The following SF3A1 variants were observed in gnomAD, a reference collection of about 807,000 sequenced individuals.
The protein encoded by SF3A1 is splicing factor 3a subunit 1.
In SF3A1, 13 loss-of-function variants were observed where a neutral mutation model predicts 89.9. That is an observed-to-expected ratio of 0.14 (90% confidence interval 0.09 to 0.23). The LOEUF (loss-of-function observed/expected upper bound fraction) is 0.23. Ranked by LOEUF, SF3A1 falls within the 10% of genes least tolerant of loss-of-function variation. The pLI, the probability that SF3A1 is intolerant of heterozygous loss-of-function variation, is 1.00. For synonymous variants in SF3A1, 405 were observed against 374.4 expected, an observed-to-expected ratio of 1.08 and a Z score of -0.94; for missense variants, 604 against 1,022.1, an observed-to-expected ratio of 0.59 and a Z score of 5.58.
In SF3A1 at chr22:30,350,318, AAAAT is replaced by A. The variant is rs1569174857; in HGVS notation, c.185+2629_185+2632del. ...TACAAAAAAACTAAAAAAAATAAAA[AAAAT>A]AAAAAAAAAATTAGCTGGGTGTGGT... On this transcript the variant is annotated intron_variant, in intron 2 of 15. Coordinates refer to ENST00000215793, the MANE Select transcript of SF3A1 (RefSeq NM_005877.6). Among the ~76,000 whole-genome samples the A allele has an allele frequency of 8.0e-5, 12 of 150,438 alleles. 1 individual carries two copies. The highest frequency in any genetic ancestry group is 3.5e-3 in the Middle Eastern group (1 of 286).
Position 30,334,675 on chromosome 22 carries a change from G to A in SF3A1, c.2301C>T (p.Ser767=), listed in dbSNP as rs1352436104. Residue 767 remains serine, a synonymous_variant, in exon 16 of 16, where the codon TCC becomes TCT. Transcript: ENST00000215793. ...LQYEGIFIKD[S]NSLAYYNMAN... ...CCATGTTGTAGTAAGCCAGTGAGTT[G>A]GAATCTTTGATGAAGATACCCTGGA... The A allele has an allele frequency of 1.3e-6, 2 of 1,595,620 alleles. No individual in the cohort carries two copies. Among genetic ancestry groups the A allele is most frequent in the Non-Finnish European group, 1.7e-6 (2 of 1,173,430 alleles).
At chr22:30,353,181 C>T (rs1001660214) in intron 1 of SF3A1, 109 bp from the exon 2 acceptor site, 1 of 1,387,354 alleles carries the variant, frequency 7.2e-7, no homozygotes, top group South Asian at 1.3e-5. Context: ...CATTCACAGA[C>T]TTCCCTCAGG....
intron 1 of SF3A1, 42 bp from the exon 2 acceptor site, chr22:30,353,114 T>C: frequency 1.9e-6 from 3 of 1,607,522 alleles, no homozygotes; most frequent in Middle Eastern, 1.7e-4. Flanking sequence ...AAGTCCCTGG[T>C]TCAGAGCAGG....
intron 4 of SF3A1, among the ~76,000 whole-genome samples, 167 bp from the exon 5 acceptor site, chr22:30,343,046 A>C (rs548394566): frequency 6.6e-6 from 1 of 152,258 alleles, no homozygotes; most frequent in East Asian, 1.9e-4. Context: ...ACTTAACCTC[A>C]GTAACTTGAT....
intron 2 of SF3A1, among the ~76,000 whole-genome samples, chr22:30,349,304 G>A (rs879595003): frequency 3.3e-5 from 5 of 152,106 alleles, no homozygotes; most frequent in Admixed American, 6.6e-5. Context: ...CTTTTGAGGC[G>A]GAGTCTCGCT....
At chr22:30,339,323 T>A in intron 9 of SF3A1, 72 bp from the exon 10 acceptor site, 1 of 1,585,172 alleles carries the variant, frequency 6.3e-7, no homozygotes, top group Non-Finnish European at 8.6e-7. Context: ...AGAGAGCAGC[T>A]TTTCTGGTGT....
intron 4 of SF3A1, among the ~76,000 whole-genome samples, chr22:30,343,400 C>G (rs999340647): frequency 2.6e-5 from 4 of 152,252 alleles, no homozygotes; most frequent in African/African-American, 9.6e-5. Context: ...ACAGGGATTT[C>G]TCTTTTGTTC....
chr22:30,333,452 T>A lies in SF3A1; in HGVS notation c.*1142A>T, dbSNP rs1054632855. On this transcript the variant is annotated 3_prime_UTR_variant, in exon 16 of 16. Coordinates refer to ENST00000215793, the MANE Select transcript of SF3A1 (RefSeq NM_005877.6). ...CAGCCTTAGCTTTAAAACCAGGAAA[T>A]TGTTAGCAACAGGCTCTCACCTTCC... 1 of 152,208 alleles carries A rather than the reference T, an allele frequency of 6.6e-6. No individual in the cohort carries two copies. The highest frequency in any genetic ancestry group is 1.5e-5 in the Non-Finnish European group (1 of 68,036). The allele number at this position is 152,208 out of a possible 1,614,324, so 9.4% of individuals were successfully genotyped here.
intron 4 of SF3A1, among the ~76,000 whole-genome samples, chr22:30,343,270 G>A (rs940167647): frequency 1.4e-4 from 21 of 152,066 alleles, no homozygotes; most frequent in Admixed American, 3.3e-4. Context: ...GAACCGCAGC[G>A]TACTTGCCCC....
At chr22:30,352,879 C>T in intron 2 of SF3A1, 72 bp downstream of exon 2, 1 of 1,576,712 alleles carries the variant, frequency 6.3e-7, no homozygotes, top group Middle Eastern at 2.0e-4. Flanking sequence ...TTTAAAAACC[C>T]TTGTGCTGAT....
chr22:30,348,580 A>C (rs914878347), intron 2 of SF3A1, among the ~76,000 whole-genome samples: 1 of 152,180 alleles, frequency 6.6e-6, no homozygotes, highest in African/African-American at 2.4e-5. Context: ...TATGTGCCAC[A>C]CTAGTGATCG....
chr22:30,336,014 T>C (rs1308984862), intron 13 of SF3A1, among the ~76,000 whole-genome samples: 2 of 152,212 alleles, frequency 1.3e-5, no homozygotes, highest in African/African-American at 4.8e-5. Flanking sequence ...GTGAAAATAC[T>C]CTGCACACCC....
chr22:30,354,178 G>C (rs1931688306), intron 1 of SF3A1, among the ~76,000 whole-genome samples: 1 of 152,104 alleles, frequency 6.6e-6, no homozygotes, highest in African/African-American at 2.4e-5. Flanking sequence ...TCTTATCTTA[G>C]AGAAACGAAG....
At position 30,341,756 on chromosome 22, in the gene SF3A1, T is replaced by G; in HGVS notation, c.1007A>C (p.Gln336Pro). 1 of 1,614,192 alleles carries G rather than the reference T, an allele frequency of 6.2e-7. No homozygotes were observed. Among genetic ancestry groups the G allele is most frequent in the Non-Finnish European group, 8.5e-7 (1 of 1,180,032 alleles). Residue 336 changes from glutamine to proline, a missense_variant, in exon 7 of 16, where the codon CAG (glutamine) becomes CCG (proline). By Grantham distance (76) the Gln-to-Pro change is moderately conservative. Transcript: ENST00000215793. ...GGAAGGAGGCTCCTCCGCCTTCTCCTGTTTGTCATCCTCCTCATCAGACTC... is the reference window on the plus strand; with the variant it reads ...GGAAGGAGGCTCCTCCGCCTTCTCCGGTTTGTCATCCTCCTCATCAGACTC... ...EVESDEEDDK[Q>P]EKAEEPPSQL...
intron 4 of SF3A1, among the ~76,000 whole-genome samples, chr22:30,343,565 G>GA: frequency 6.6e-6 from 1 of 152,272 alleles, no homozygotes; most frequent in Non-Finnish European, 1.5e-5. Flanking sequence ...TCTACCCCAA[G>GA]AATCTATCTG....
intron 2 of SF3A1, among the ~76,000 whole-genome samples, chr22:30,351,358 T>A (rs1034560782): frequency 6.6e-6 from 1 of 151,544 alleles, no homozygotes; most frequent in Non-Finnish European, 1.5e-5. Context: ...TTTTATTAGG[T>A]TGGGAAAGGA....
At chr22:30,335,791 CG>C in intron 13 of SF3A1, 38 bp from the exon 14 acceptor site, 1 of 1,536,348 alleles carries the variant, frequency 6.5e-7, no homozygotes, top group South Asian at 1.1e-5. Context: ...CTAGGGAGCT[CG>C]GAGCCAATCA....
At position 30,334,536 on chromosome 22, in the gene SF3A1, AG is replaced by A; in HGVS notation, c.*57del. 2.8e-6 allele frequency: 3 copies of A among 1,089,710 alleles called. No homozygotes were observed. Among genetic ancestry groups the A allele is most frequent in the South Asian group, 1.6e-5 (1 of 63,958 alleles). 67.5% of individuals were successfully genotyped at this position (1,089,710 alleles called of 1,614,324 possible). A position where few individuals can be genotyped will look rare whatever the true frequency, so the allele number is the denominator to read the frequency against. On this transcript the variant is annotated 3_prime_UTR_variant, in exon 16 of 16. Transcript: ENST00000215793. ...TCAGGGGGGCTCCTGGGTCTGGGGC[AG>A]GGGGTGGGAGACAGGAGAGGCAAAA...
intron 2 of SF3A1, among the ~76,000 whole-genome samples, chr22:30,350,468 C>T (rs1418803836): frequency 1.3e-5 from 2 of 152,012 alleles, no homozygotes; most frequent in Non-Finnish European, 2.9e-5. Flanking sequence ...CGTGTCAGAA[C>T]GAGACTCTGT....
Sources: gnomAD v4.1 joint callset for allele counts (sites outside exome capture counted in the v4.1 genomes callset) on GRCh38, gnomAD v4.1.1 for gene constraint, MANE v1.5 for transcripts, NCBI Gene and HGNC (gene_info 2026-07-23, HGNC 2026-07-21) for gene names.